Variants in TRPM6 observed in about 807,000 individuals in gnomAD.
TRPM6 encodes the protein transient receptor potential cation channel subfamily M member 6.
Under a neutral mutation model 247.6 loss-of-function variants are expected in TRPM6, and 111 were observed. That is an observed-to-expected ratio of 0.45 (90% CI 0.38 to 0.52). The LOEUF (loss-of-function observed/expected upper bound fraction) is 0.52. Ranked by LOEUF, TRPM6 falls within the 20% of genes least tolerant of loss-of-function variation. TRPM6 has a pLI of 0.00. For synonymous variants in TRPM6, 892 were observed against 853.8 expected, an observed-to-expected ratio of 1.04 and a Z score of -0.78; for missense variants, 2,126 against 2,421.5, an observed-to-expected ratio of 0.88 and a Z score of 2.56.
chr9:74,806,493 G>C (rs985896005), intron 14 of TRPM6, among the ~76,000 whole-genome samples: 1 of 152,102 alleles, frequency 6.6e-6, no homozygotes, highest in African/African-American at 2.4e-5. Context: ...ACATAGAAAT[G>C]ATGAGGTGAA....
chr9:74,748,316 T>C (rs1216569111), intron 30 of TRPM6, among the ~76,000 whole-genome samples: 1 of 152,248 alleles, frequency 6.6e-6, no homozygotes, highest in Non-Finnish European at 1.5e-5. Flanking sequence ...TACAGGTTTA[T>C]GTATTTATTA....
intron 25 of TRPM6, among the ~76,000 whole-genome samples, chr9:74,765,353 A>C (rs1826793739): frequency 6.6e-6 from 1 of 150,722 alleles, no homozygotes; most frequent in African/African-American, 2.4e-5. Context: ...TTAAGAGCAA[A>C]AAAAAAAAAA....
intron 25 of TRPM6, among the ~76,000 whole-genome samples, chr9:74,771,420 C>A (rs955144519): frequency 6.6e-6 from 1 of 151,354 alleles, no homozygotes; most frequent in Non-Finnish European, 1.5e-5. Context: ...TACACACATG[C>A]GCACACACAC....
intron 7 of TRPM6, among the ~76,000 whole-genome samples, chr9:74,822,726 T>A (rs1210962357): frequency 5.3e-5 from 8 of 152,156 alleles, no homozygotes; most frequent in Non-Finnish European, 1.5e-5. Flanking sequence ...TATATTACTT[T>A]CTTAAAGTAA....
intron 6 of TRPM6, among the ~76,000 whole-genome samples, chr9:74,832,328 G>T (rs1011204128): frequency 2.0e-5 from 3 of 152,006 alleles, no homozygotes; most frequent in Admixed American, 6.6e-5. Flanking sequence ...CAAGTCAAGA[G>T]ATATAACAAC....
chr9:74,827,922 T>G lies in TRPM6; in HGVS notation c.697A>C (p.Asn233His), dbSNP rs1003193136. Residue 233 changes from asparagine to histidine, a missense_variant, in exon 7 of 39, where the codon AAC becomes CAC. Coordinates refer to ENST00000360774, the MANE Select transcript of TRPM6 (RefSeq NM_017662.5). ...DVVCLYQTLD[N>H]PLSKLTTLNS... ...AGTGTTGTGAGCTTGCTGAGGGGGT[T>G]ATCCAGAGTCTGGTACAGGCACACC... 77 of 1,614,026 alleles carry G rather than the reference T, an allele frequency of 4.8e-5. No homozygotes were observed. The highest frequency in any genetic ancestry group is 6.4e-5 in the Non-Finnish European group (75 of 1,179,996).
At chr9:74,871,266 C>T (rs1480178041) in intron 1 of TRPM6, among the ~76,000 whole-genome samples, 1 of 152,114 alleles carries the variant, frequency 6.6e-6, no homozygotes, top group Admixed American at 6.6e-5. Flanking sequence ...TCCCTCCCAC[C>T]CCTGTTCCCC....
At chr9:74,770,223 T>A (rs1230725912) in intron 25 of TRPM6, among the ~76,000 whole-genome samples, 1 of 152,168 alleles carries the variant, frequency 6.6e-6, no homozygotes, top group Non-Finnish European at 1.5e-5. Context: ...CTTCATGTGA[T>A]TCAGTTTAAG....
At chr9:74,743,231 T>A (rs1271762201) in intron 32 of TRPM6, among the ~76,000 whole-genome samples, 1 of 152,162 alleles carries the variant, frequency 6.6e-6, no homozygotes, top group Non-Finnish European at 1.5e-5. Context: ...AGAGCCTGGG[T>A]TGAGGAGTCT....
At chr9:74,785,402 C>T (rs1389680832) in intron 21 of TRPM6, among the ~76,000 whole-genome samples, 2 of 152,164 alleles carry the variant, frequency 1.3e-5, no homozygotes, top group Admixed American at 6.5e-5. Flanking sequence ...AGGATTAATG[C>T]TCGAGGTGAT....
At chr9:74,746,803 G>A (rs1403729799) in intron 31 of TRPM6, among the ~76,000 whole-genome samples, 2 of 144,644 alleles carry the variant, frequency 1.4e-5, no homozygotes, top group African/African-American at 5.1e-5. Context: ...CAGTAGGGTA[G>A]ACCAAACAGA....
At chr9:74,796,935 A>G (rs772388535) in intron 17 of TRPM6, 42 bp from the exon 18 acceptor site, 2 of 1,523,296 alleles carry the variant, frequency 1.3e-6, no homozygotes, top group South Asian at 2.2e-5. Context: ...TAGGGACTAC[A>G]AAAGCACATA....
At chr9:74,885,952 AAGAG>A (rs1471462218) in intron 1 of TRPM6, among the ~76,000 whole-genome samples, 1 of 152,176 alleles carries the variant, frequency 6.6e-6, no homozygotes, top group African/African-American at 2.4e-5. Flanking sequence ...AAGAAGGAAA[AAGAG>A]AGAAGCCATA....
At chr9:74,850,287 G>A (rs1343111804) in intron 3 of TRPM6, among the ~76,000 whole-genome samples, 2 of 152,072 alleles carry the variant, frequency 1.3e-5, no homozygotes, top group African/African-American at 2.4e-5. Flanking sequence ...CACGAGAATC[G>A]CTTGAACCCG....
At chr9:74,886,509 TTC>T (rs1831532876) in intron 1 of TRPM6, among the ~76,000 whole-genome samples, 1 of 151,452 alleles carries the variant, frequency 6.6e-6, no homozygotes, top group Non-Finnish European at 1.5e-5. Flanking sequence ...GTGTCTTTTT[TTC>T]TCTTTTTTTT....
At chr9:74,791,298 G>A (rs1342899270) in intron 19 of TRPM6, among the ~76,000 whole-genome samples, 1 of 152,156 alleles carries the variant, frequency 6.6e-6, no homozygotes, top group Non-Finnish European at 1.5e-5. Context: ...ATAAGTATAG[G>A]AAATAAGTGT....
chr9:74,724,950 T>C (rs1056554680), intron 38 of TRPM6, among the ~76,000 whole-genome samples: 3 of 152,220 alleles, frequency 2.0e-5, no homozygotes, highest in African/African-American at 7.2e-5. Context: ...CCTATGCTGT[T>C]TGGGTGCTGT....
rs201755179 is a variant in TRPM6, at chr9:74,830,297, G to GA, written c.670-2349dup. ...ATACCTTAACAGAAGGGTAGAGCTT[G>GA]AAAAAAAAACAGAATACTCAGAACT... On this transcript the variant is annotated intron_variant, in intron 6 of 38. Coordinates refer to ENST00000360774, the MANE Select transcript of TRPM6 (RefSeq NM_017662.5). Among the ~76,000 whole-genome samples, 1,003 of 148,492 alleles carry GA rather than the reference G, an allele frequency of 6.8e-3. 13 individuals carry two copies. The highest frequency in any genetic ancestry group is 0.024 in the African/African-American group (956 of 40,454).
At chr9:74,733,312 T>G (rs1825588324) in intron 36 of TRPM6, among the ~76,000 whole-genome samples, 1 of 152,166 alleles carries the variant, frequency 6.6e-6, no homozygotes, top group Non-Finnish European at 1.5e-5. Context: ...CAAAAATTCA[T>G]GTAAATTAAA....
Sources: allele counts gnomAD v4.1 joint callset (sites outside exome capture counted in the v4.1 genomes callset), GRCh38; gene constraint gnomAD v4.1.1; transcripts MANE v1.5; gene names NCBI Gene and HGNC (gene_info 2026-07-23, HGNC 2026-07-21).